NEO1: variants seen among roughly 807,000 people sequenced by gnomAD.
The protein encoded by NEO1 is neogenin.
NEO1 carries 63 observed loss-of-function variants against 159.7 expected under a neutral mutation model. The observed-to-expected ratio is 0.39, with a 90% CI of 0.32 to 0.49. NEO1 has a LOEUF of 0.49. Ranked by LOEUF, NEO1 falls within the 20% of genes least tolerant of loss-of-function variation. NEO1 has a pLI of 0.85. For synonymous variants in NEO1, 633 were observed against 662.0 expected (o/e 0.96, Z 0.67); for missense variants, 1,615 against 1,831.0 (o/e 0.88, Z 2.15).
chr15:73,073,645 A>G (rs1052819519), intron 1 of NEO1, among the ~76,000 whole-genome samples: 10 of 152,192 alleles, frequency 6.6e-5, no homozygotes, highest in African/African-American at 2.2e-4. Context: ...CTCTCCTTTA[A>G]CGAGAGGGAA....
At chr15:73,242,261 G>T (rs2039527169) in intron 8 of NEO1, among the ~76,000 whole-genome samples, 1 of 152,110 alleles carries the variant, frequency 6.6e-6, no homozygotes, top group Non-Finnish European at 1.5e-5. Flanking sequence ...GCCTACTGTT[G>T]ACTGGAAGCC....
At chr15:73,264,104 T>A (rs1321697481) in intron 15 of NEO1, among the ~76,000 whole-genome samples, 1 of 152,102 alleles carries the variant, frequency 6.6e-6, no homozygotes. Context: ...GGAGGATCGC[T>A]TGATCCCTAG....
At chr15:73,228,151 A>G (rs928301972) in intron 7 of NEO1, among the ~76,000 whole-genome samples, 2 of 152,240 alleles carry the variant, frequency 1.3e-5, no homozygotes, top group Non-Finnish European at 2.9e-5. Flanking sequence ...TCCAGAAATT[A>G]TCAAAGACTT....
Position 73,116,555 on chromosome 15 carries a change from C to G in NEO1, c.146C>G (p.Thr49Arg). Residue 49 changes from threonine (T) to arginine (R), a missense_variant, in exon 2 of 29, where the codon ACG becomes AGG. Coordinates refer to ENST00000261908, the MANE Select transcript of NEO1 (RefSeq NM_002499.4). ...APQSPGASIRTFTPFYFLVEP... is the reference protein window; with the variant it reads ...APQSPGASIRRFTPFYFLVEP... ...ATTTTTGTAGGAGCCAGCATTCGAA[C>G]GTTCACTCCATTTTATTTTCTGGTG... is the stretch of plus-strand genomic sequence containing the variant. 6.6e-7 allele frequency: 1 copy of G among 1,523,862 alleles called. No homozygotes were observed. The highest frequency in any genetic ancestry group is 2.3e-5 in the Admixed American group (1 of 42,690). 94.4% of individuals were successfully genotyped at this position (1,523,862 alleles called of 1,614,324 possible). A position where few individuals can be genotyped will look rare whatever the true frequency, so the allele number is the denominator to read the frequency against.
At chr15:73,247,113 G>A (rs544779199) in intron 9 of NEO1, among the ~76,000 whole-genome samples, 5 of 152,336 alleles carry the variant, frequency 3.3e-5, no homozygotes, top group South Asian at 4.1e-4. Flanking sequence ...AAGGCAACAG[G>A]TTCTGGTGAG....
intron 12 of NEO1, 115 bp from the exon 13 acceptor site, chr15:73,254,567 C>T (rs370303515): frequency 1.3e-5 from 14 of 1,045,134 alleles, no homozygotes; most frequent in African/African-American, 8.0e-5. Context: ...ACTCTGAGTA[C>T]CTTGCTGCCT....
intron 1 of NEO1, among the ~76,000 whole-genome samples, chr15:73,097,776 C>CTTTTTTTTTTTTTTTTTTTTTT (rs34165169): frequency 7.9e-5 from 6 of 75,542 alleles, no homozygotes; most frequent in African/African-American, 3.4e-4. Flanking sequence ...TGGAACTAGC[C>CTTTTTTTTTTTTTTTTTTTTTT]TTTTTTTTTT....
At chr15:73,096,266 A>G (rs1385395232) in intron 1 of NEO1, among the ~76,000 whole-genome samples, 1 of 152,180 alleles carries the variant, frequency 6.6e-6, no homozygotes, top group Non-Finnish European at 1.5e-5. Context: ...AGTTGAGCAA[A>G]CTTTTCACTC....
In NEO1 at chr15:73,074,348, A is replaced by C. The variant is rs545054741; in HGVS notation, c.130+21543A>C. ...TCTAGTTTATTTATCAAGATTAGGC[A>C]GTCACCTTGTTTTTCACTCCTTTCT... On this transcript the variant is annotated intron_variant, in intron 1 of 28. Coordinates refer to ENST00000261908, the MANE Select transcript of NEO1 (RefSeq NM_002499.4). Among the ~76,000 whole-genome samples, 12 of 152,318 alleles carry C rather than the reference A, an allele frequency of 7.9e-5. No individual in the cohort carries two copies. In the South Asian group the frequency reaches 2.5e-3, roughly 32 times the overall value.
intron 7 of NEO1, among the ~76,000 whole-genome samples, chr15:73,229,631 G>A (rs1163750840): frequency 6.6e-6 from 1 of 151,816 alleles, no homozygotes; most frequent in African/African-American, 2.4e-5. Context: ...TCCTTGTCTT[G>A]TTTCTAATCT....
At chr15:73,170,713 TAAGTG>T (rs1357934171) in intron 5 of NEO1, among the ~76,000 whole-genome samples, 1 of 152,158 alleles carries the variant, frequency 6.6e-6, no homozygotes, top group Non-Finnish European at 1.5e-5. Flanking sequence ...TTTGAAAACG[TAAGTG>T]AAGGGAAAAA....
intron 4 of NEO1, among the ~76,000 whole-genome samples, chr15:73,131,721 C>T (rs2031160681): frequency 6.6e-6 from 1 of 152,224 alleles, no homozygotes; most frequent in Admixed American, 6.5e-5. Context: ...CAACCCCCTA[C>T]CCACTTTTAA....
At chr15:73,091,521 C>T (rs1024525773) in intron 1 of NEO1, among the ~76,000 whole-genome samples, 4 of 151,992 alleles carry the variant, frequency 2.6e-5, no homozygotes, top group African/African-American at 4.8e-5. Flanking sequence ...TCTGCTTTTG[C>T]GCATAGTGAA....
rs2042724654 is a variant in NEO1, at chr15:73,304,735, A to G, written c.*2039A>G. 1 of 151,090 alleles carries G rather than the reference A, an allele frequency of 6.6e-6. No individual in the cohort carries two copies. The highest frequency in any genetic ancestry group is 1.5e-5 in the Non-Finnish European group (1 of 67,844). The allele number at this position is 151,090 out of a possible 1,614,324, so 9.4% of individuals were successfully genotyped here. ...AAAGAACATGCTCAGTATTTGGGGC[A>G]TTTCCTCCCACAAACCCTGACTGCT... On this transcript the variant is annotated 3_prime_UTR_variant, in exon 29 of 29. Transcript: ENST00000261908.
intron 1 of NEO1, among the ~76,000 whole-genome samples, chr15:73,091,545 GTTGTTGTTA>G (rs2069692760): frequency 6.6e-6 from 1 of 151,944 alleles, no homozygotes; most frequent in Non-Finnish European, 1.5e-5. Flanking sequence ...TATTCGTTTT[GTTGTTGTTA>G]TTGTTTGTTT....
intron 8 of NEO1, among the ~76,000 whole-genome samples, chr15:73,241,719 A>G (rs532555434): frequency 6.6e-6 from 1 of 152,266 alleles, no homozygotes; most frequent in Non-Finnish European, 1.5e-5. Flanking sequence ...ACTTAAGAGA[A>G]TTGTTGTTTC....
At chr15:73,189,404 G>A (rs2036117368) in intron 7 of NEO1, among the ~76,000 whole-genome samples, 1 of 152,232 alleles carries the variant, frequency 6.6e-6, no homozygotes. Context: ...CACCATGTAA[G>A]TGGAACCATG....
At chr15:73,149,886 TTTGAAATATATAGTATGTTA>T (rs1188129675) in intron 5 of NEO1, among the ~76,000 whole-genome samples, 1 of 152,230 alleles carries the variant, frequency 6.6e-6, no homozygotes, top group Non-Finnish European at 1.5e-5. Flanking sequence ...TTCTAGTTAT[TTTGAAATATATAGTATGTTA>T]TTGTTAATTA....
intron 8 of NEO1, among the ~76,000 whole-genome samples, chr15:73,238,920 C>T (rs1259208019): frequency 6.6e-6 from 1 of 152,118 alleles, no homozygotes; most frequent in African/African-American, 2.4e-5. Flanking sequence ...ACTATATTGG[C>T]TCACTGCAGC....
Sources: gnomAD v4.1 joint callset for allele counts (sites outside exome capture counted in the v4.1 genomes callset) on GRCh38, gnomAD v4.1.1 for gene constraint, MANE v1.5 for transcripts, NCBI Gene and HGNC (gene_info 2026-07-23, HGNC 2026-07-21) for gene names.